NCAM2: variants seen among roughly 807,000 people sequenced by gnomAD.
NCAM2 encodes N-CAM-2.
NCAM2 carries 30 observed loss-of-function variants against 98.1 expected under a neutral mutation model. That is an observed-to-expected ratio of 0.31 (90% CI 0.23 to 0.41). The LOEUF (loss-of-function observed/expected upper bound fraction) is 0.41. NCAM2 is among the 10% of genes least tolerant of loss of function. The pLI is 1.00. For synonymous variants in NCAM2, 368 were observed against 342.4 expected (o/e 1.07, Z -0.83); for missense variants, 867 against 1,005.8 (o/e 0.86, Z 1.87).
intron 1 of NCAM2, among the ~76,000 whole-genome samples, chr21:21,024,924 G>GGTTTT (rs1253983004): frequency 2.0e-5 from 3 of 151,732 alleles, no homozygotes; most frequent in South Asian, 2.1e-4. Context: ...ACGAAAAAAA[G>GGTTTT]GTTTTGTTTT....
chr21:21,288,635 G>T (rs1235477376), intron 4 of NCAM2, among the ~76,000 whole-genome samples: 1 of 151,336 alleles, frequency 6.6e-6, no homozygotes, highest in Non-Finnish European at 1.5e-5. Flanking sequence ...AATCATTATT[G>T]AACAATTTGT....
chr21:21,409,222 C>G (rs1320766134), intron 9 of NCAM2, among the ~76,000 whole-genome samples: 2 of 151,908 alleles, frequency 1.3e-5, no homozygotes, highest in African/African-American at 2.4e-5. Context: ...AGATCGTAGT[C>G]CTGGGGTGGA....
chr21:21,352,646 G>GA (rs1218527415), intron 8 of NCAM2, among the ~76,000 whole-genome samples: 1 of 151,110 alleles, frequency 6.6e-6, no homozygotes, highest in East Asian at 2.0e-4. Flanking sequence ...AGACCTACCT[G>GA]AAAAAGGGTT....
At chr21:21,119,529 G>C (rs1397646593) in intron 1 of NCAM2, among the ~76,000 whole-genome samples, 1 of 150,426 alleles carries the variant, frequency 6.6e-6, no homozygotes, top group African/African-American at 2.5e-5. Context: ...TTTTGTTATT[G>C]CTAGAATCAC....
chr21:21,325,714 A>G (rs1024707608), intron 6 of NCAM2, among the ~76,000 whole-genome samples: 26 of 152,194 alleles, frequency 1.7e-4, no homozygotes, highest in African/African-American at 5.5e-4. Flanking sequence ...CTGTTCTACA[A>G]TCTTTTTTCC....
chr21:21,536,283 A>G (rs1989977799), intron 17 of NCAM2, among the ~76,000 whole-genome samples: 1 of 152,132 alleles, frequency 6.6e-6, no homozygotes, highest in African/African-American at 2.4e-5. Flanking sequence ...TCATTCAAAA[A>G]TATAAAATAA....
chr21:21,526,133 C>A (rs1569139059), intron 16 of NCAM2, among the ~76,000 whole-genome samples: 1 of 151,640 alleles, frequency 6.6e-6, no homozygotes, highest in African/African-American at 2.4e-5. Context: ...TAGCGAAAGC[C>A]ATTAAGACAA....
At chr21:21,287,435 C>T (rs1028932711) in intron 4 of NCAM2, among the ~76,000 whole-genome samples, 17 of 151,998 alleles carry the variant, frequency 1.1e-4, no homozygotes, top group Non-Finnish European at 2.2e-4. Flanking sequence ...AGAAATAACA[C>T]TTTATTTCCT....
At chr21:21,471,060 C>T (rs368173292) in intron 14 of NCAM2, among the ~76,000 whole-genome samples, 2 of 151,794 alleles carry the variant, frequency 1.3e-5, no homozygotes, top group African/African-American at 4.8e-5. Context: ...AGGGAACAGA[C>T]ATCAGAATGT....
chr21:21,441,993 A>G (rs1015974619), intron 12 of NCAM2, among the ~76,000 whole-genome samples: 8 of 152,196 alleles, frequency 5.3e-5, no homozygotes, highest in Non-Finnish European at 8.8e-5. Flanking sequence ...TCTCAAGTCT[A>G]TGAAATCTAG....
At chr21:21,093,982 T>C (rs2066066666) in intron 1 of NCAM2, among the ~76,000 whole-genome samples, 1 of 152,036 alleles carries the variant, frequency 6.6e-6, no homozygotes, top group African/African-American at 2.4e-5. Flanking sequence ...CAAATGCCTC[T>C]TTTCTAAGAA....
At chr21:21,087,955 A>G (rs940188317) in intron 1 of NCAM2, among the ~76,000 whole-genome samples, 1 of 152,180 alleles carries the variant, frequency 6.6e-6, no homozygotes, top group Non-Finnish European at 1.5e-5. Context: ...CTTTATCCAT[A>G]CTATCTGAAT....
chr21:21,197,306 T>A (rs781130761), intron 1 of NCAM2, among the ~76,000 whole-genome samples: 1 of 152,018 alleles, frequency 6.6e-6, no homozygotes, highest in Non-Finnish European at 1.5e-5. Context: ...ACTTTGGTAT[T>A]TTTAGTAGAG....
At chr21:21,521,434 G>A (rs1486638856) in intron 16 of NCAM2, among the ~76,000 whole-genome samples, 2 of 152,156 alleles carry the variant, frequency 1.3e-5, no homozygotes, top group Non-Finnish European at 2.9e-5. Flanking sequence ...TGAAGAGAGA[G>A]GCAGCATTAG....
chr21:21,479,730 CTA>C (rs1186185666), intron 15 of NCAM2, among the ~76,000 whole-genome samples: 2 of 150,332 alleles, frequency 1.3e-5, no homozygotes, highest in Admixed American at 6.6e-5. Flanking sequence ...TCCTCTCTCT[CTA>C]TATATATATA....
intron 16 of NCAM2, among the ~76,000 whole-genome samples, chr21:21,521,583 A>T (rs1460873490): frequency 6.6e-6 from 1 of 152,200 alleles, no homozygotes; most frequent in East Asian, 1.9e-4. Flanking sequence ...AAGCACAGAG[A>T]TGAAGATTCT....
chr21:21,343,205 T>G (rs1371240353), intron 8 of NCAM2, among the ~76,000 whole-genome samples: 1 of 152,106 alleles, frequency 6.6e-6, no homozygotes, highest in East Asian at 1.9e-4. Context: ...AAAAAATTAC[T>G]TCGTATAATG....
At chr21:21,418,419 T>TA in intron 10 of NCAM2, 54 bp from the exon 11 acceptor site, 1 of 1,364,942 alleles carries the variant, frequency 7.3e-7, no homozygotes. Flanking sequence ...GGGTTTATTA[T>TA]AAAACTTCTG....
intron 1 of NCAM2, among the ~76,000 whole-genome samples, chr21:21,028,841 C>T (rs909715057): frequency 2.0e-5 from 3 of 152,068 alleles, no homozygotes; most frequent in Admixed American, 1.3e-4. Context: ...GGAAACAAAA[C>T]AAGTGTATTT....
Sources: gnomAD v4.1 joint callset for allele counts (sites outside exome capture counted in the v4.1 genomes callset) on GRCh38, gnomAD v4.1.1 for gene constraint, MANE v1.5 for transcripts, NCBI Gene and HGNC (gene_info 2026-07-23, HGNC 2026-07-21) for gene names.